The following ARHGAP32 variants were observed in gnomAD, a reference collection of about 807,000 sequenced individuals.
ARHGAP32 encodes rho GTPase-activating protein 32.
Under a neutral mutation model 186.5 loss-of-function variants are expected in ARHGAP32, and 51 were observed. The ratio of observed to expected loss-of-function variants is 0.27; its 90% CI spans 0.22 to 0.35. The LOEUF is 0.35. Among genes scored for constraint, ARHGAP32 ranks in the 10% least tolerant of loss-of-function variants. ARHGAP32 has a pLI of 1.00. For missense variants in ARHGAP32, 2,186 were observed against 2,623.5 expected, an observed-to-expected ratio of 0.83 and a Z score of 3.64; for synonymous variants, 950 against 964.3, an observed-to-expected ratio of 0.99 and a Z score of 0.27.
chr11:128,970,030 T>C lies in ARHGAP32; in HGVS notation c.5183A>G (p.Asn1728Ser), dbSNP rs766536221. The change falls in exon 23 of 23, where the codon AAC (asparagine) becomes AGC (serine). Residue 1728 changes from asparagine to serine, a missense_variant. Coordinates refer to ENST00000682385, the MANE Select transcript of ARHGAP32 (RefSeq NM_001378024.1). This position sits in a 1 kb window ranked among gnomAD's most constrained non-coding sequence, Gnocchi z 5.8. Reference protein sequence around the residue: ...YAGLAPRPRANVTGYFSPNDH... With the variant: ...YAGLAPRPRASVTGYFSPNDH... ...GTTGGGAGAGAAATAGCCAGTCACG[T>C]TGGCCCGGGGACGTGGAGCCAAACC... 1 of 1,614,182 alleles carries C rather than the reference T, an allele frequency of 6.2e-7. No individual in the cohort carries two copies. The highest frequency in any genetic ancestry group is 8.5e-7 in the Non-Finnish European group (1 of 1,180,034).
chr11:129,213,469 A>C (rs1339596673), intron 1 of ARHGAP32, among the ~76,000 whole-genome samples: 1 of 152,236 alleles, frequency 6.6e-6, no homozygotes, highest in African/African-American at 2.4e-5. Context: ...ACAGTAATGG[A>C]GAAAAGTCAC....
intron 15 of ARHGAP32, among the ~76,000 whole-genome samples, chr11:128,984,368 C>G (rs977264040): frequency 2.0e-5 from 3 of 151,200 alleles, no homozygotes; most frequent in Non-Finnish European, 4.4e-5. Context: ...GAGTGAGACC[C>G]TGCCTCAAAA....
intron 11 of ARHGAP32, among the ~76,000 whole-genome samples, chr11:129,017,654 TA>T (rs993020697): frequency 2.6e-5 from 4 of 152,182 alleles, no homozygotes; most frequent in African/African-American, 9.6e-5. Flanking sequence ...AATTTGACTG[TA>T]GAATCATCTG....
At chr11:129,085,950 T>C (rs1031957771) in intron 6 of ARHGAP32, among the ~76,000 whole-genome samples, 6 of 149,584 alleles carry the variant, frequency 4.0e-5, no homozygotes, top group Non-Finnish European at 8.9e-5. Context: ...GCTGAGATCA[T>C]GACACTGCAC....
At chr11:129,155,850 T>A (rs1943390326) in intron 2 of ARHGAP32, among the ~76,000 whole-genome samples, 1 of 152,040 alleles carries the variant, frequency 6.6e-6, no homozygotes, top group African/African-American at 2.4e-5. Flanking sequence ...AGGCGGGTGA[T>A]CTCTGCATTT....
At chr11:129,033,047 G>C (rs913987765) in intron 11 of ARHGAP32, among the ~76,000 whole-genome samples, 1 of 152,232 alleles carries the variant, frequency 6.6e-6, no homozygotes, top group Non-Finnish European at 1.5e-5. Context: ...TACAGTGTAA[G>C]TGTGTATATC....
At chr11:129,198,041 A>G (rs867042896) in intron 1 of ARHGAP32, among the ~76,000 whole-genome samples, 1 of 152,236 alleles carries the variant, frequency 6.6e-6, no homozygotes, top group Non-Finnish European at 1.5e-5. Context: ...AACTTTAAAC[A>G]TAACAGAAAA....
At chr11:129,170,287 G>A (rs1399978124) in intron 1 of ARHGAP32, among the ~76,000 whole-genome samples, 1 of 149,898 alleles carries the variant, frequency 6.7e-6, no homozygotes, top group Non-Finnish European at 1.5e-5. Context: ...ATGGTGGTTT[G>A]TGGCATCTAT....
At chr11:129,193,695 A>AATATATAATATATATTATATATT (rs1944344473), upstream of ARHGAP32, among the ~76,000 whole-genome samples, 1 of 30,196 alleles carries the variant, frequency 3.3e-5, no homozygotes, top group South Asian at 5.3e-4. Context: ...TATATTATAT[A>AATATATAATATATATTATATATT]ATATATAATA....
In ARHGAP32 at chr11:129,177,656, C is replaced by T. The variant is rs888788507; in HGVS notation, c.117-13229G>A. On this transcript the variant is annotated intron_variant, in intron 1 of 22. Transcript: ENST00000682385. Reference sequence around the variant, plus strand: ...ATATAAGCAAATCAATAAATGTAATCCAGCATATAAACAGAACCAAAGACA... The same window carrying T: ...ATATAAGCAAATCAATAAATGTAATTCAGCATATAAACAGAACCAAAGACA... Among the ~76,000 whole-genome samples, 6 of 152,034 alleles carry T rather than the reference C, an allele frequency of 3.9e-5. No individual in the cohort carries two copies. The East Asian group carries it at 1.2e-3, about 29-fold the overall frequency.
intron 16 of ARHGAP32, 55 bp from the exon 17 acceptor site, chr11:128,981,616 CTCT>C: frequency 6.5e-7 from 1 of 1,540,760 alleles, no homozygotes; most frequent in Non-Finnish European, 8.8e-7. Flanking sequence ...CGTCAAGGGC[CTCT>C]TTTTTTAAAC....
At chr11:128,991,499 A>C (rs1317991928) in intron 12 of ARHGAP32, among the ~76,000 whole-genome samples, 2 of 152,190 alleles carry the variant, frequency 1.3e-5, no homozygotes, top group East Asian at 3.8e-4. Flanking sequence ...ACGAAAGAGT[A>C]GGAAAGCAAT....
intron 1 of ARHGAP32, among the ~76,000 whole-genome samples, chr11:129,209,265 AT>A (rs1238328708): frequency 1.3e-5 from 2 of 152,158 alleles, no homozygotes; most frequent in Non-Finnish European, 2.9e-5. Context: ...GGTGAAAATT[AT>A]TTTAATTAGA....
At chr11:129,239,677 CCA>C (rs1479366923) in intron 1 of ARHGAP32, among the ~76,000 whole-genome samples, 8 of 152,204 alleles carry the variant, frequency 5.3e-5, no homozygotes, top group African/African-American at 1.9e-4. Flanking sequence ...CCCTCACTTC[CCA>C]CATTGCTGCT....
intron 2 of ARHGAP32, among the ~76,000 whole-genome samples, chr11:129,151,084 T>C (rs577999): frequency 0.13 from 19,190 of 151,898 alleles, 1,368 homozygotes; most frequent in Non-Finnish European, 0.16. Context: ...GCAATTTTTA[T>C]ACCAGAAAAA....
At chr11:129,033,945 TAC>T (rs1480481328) in intron 11 of ARHGAP32, among the ~76,000 whole-genome samples, 2 of 152,240 alleles carry the variant, frequency 1.3e-5, no homozygotes, top group East Asian at 1.9e-4. Context: ...GGTCTATCTG[TAC>T]ACATCTATAC....
intron 6 of ARHGAP32, among the ~76,000 whole-genome samples, chr11:129,079,929 A>G (rs941208914): frequency 2.0e-5 from 3 of 152,228 alleles, no homozygotes; most frequent in African/African-American, 7.2e-5. Context: ...GCAAAGGGAC[A>G]CCAAAAGTGA....
chr11:128,973,502 C>CA, intron 21 of ARHGAP32, 70 bp from the exon 22 acceptor site: 1 of 1,529,906 alleles, frequency 6.5e-7, no homozygotes, highest in Non-Finnish European at 8.9e-7. Flanking sequence ...GAAAGCCAAA[C>CA]ACTCCCCATG....
chr11:129,196,646 G>C (rs1163862343), upstream of ARHGAP32, among the ~76,000 whole-genome samples: 2 of 152,060 alleles, frequency 1.3e-5, no homozygotes, highest in Non-Finnish European at 2.9e-5. Context: ...CAAACATAAC[G>C]AATTATATAA....
Sources: allele counts gnomAD v4.1 joint callset (sites outside exome capture counted in the v4.1 genomes callset), GRCh38; gene constraint gnomAD v4.1.1; non-coding constraint Gnocchi (gnomAD v3.1); transcripts MANE v1.5; gene names NCBI Gene and HGNC (gene_info 2026-07-23, HGNC 2026-07-21).